OBI1: variants seen among roughly 807,000 people sequenced by gnomAD.
OBI1 encodes ring finger protein 219.
A neutral mutation model predicts 62.4 loss-of-function variants in OBI1; 59 were observed. That is an observed-to-expected ratio of 0.95 (90% confidence interval 0.77 to 1.17). The LOEUF (loss-of-function observed/expected upper bound fraction) is 1.17, where lower values mean the gene tolerates loss of function less well. Ranked by LOEUF, OBI1 falls within the 50% of genes most tolerant of loss-of-function variation. OBI1 has a pLI of 0.00. For synonymous variants in OBI1, 302 were observed against 292.8 expected (o/e 1.03, Z -0.32); for missense variants, 875 against 830.9 (o/e 1.05, Z -0.65).
intron 5 of OBI1, among the ~76,000 whole-genome samples, chr13:78,628,286 A>G (rs867780741): frequency 6.6e-6 from 1 of 152,238 alleles, no homozygotes; most frequent in Admixed American, 6.5e-5. Flanking sequence ...AGGCAAGATT[A>G]GTGTTCGGTC....
intron 5 of OBI1, among the ~76,000 whole-genome samples, chr13:78,619,331 T>TA (rs1566275392): frequency 6.2e-4 from 31 of 50,250 alleles, no homozygotes; most frequent in African/African-American, 5.1e-3. Flanking sequence ...CTCTATATAT[T>TA]TTTTTTTTTT....
intron 5 of OBI1, among the ~76,000 whole-genome samples, chr13:78,623,073 T>C (rs1479519283): frequency 2.0e-5 from 3 of 152,154 alleles, no homozygotes; most frequent in Non-Finnish European, 2.9e-5. Context: ...AACCCATACA[T>C]TTATACTGTT....
At chr13:78,620,419 A>C (rs1875470505) in intron 5 of OBI1, among the ~76,000 whole-genome samples, 1 of 152,212 alleles carries the variant, frequency 6.6e-6, no homozygotes, top group Admixed American at 6.5e-5. Context: ...GAGTATTTTT[A>C]TAAACATTCC....
intron 1 of OBI1, among the ~76,000 whole-genome samples, chr13:78,652,190 AGAT>A (rs1876563554): frequency 2.0e-5 from 3 of 152,198 alleles, no homozygotes; most frequent in South Asian, 2.1e-4. Flanking sequence ...AGTATTTATC[AGAT>A]GATGATTTCT....
intron 1 of OBI1, among the ~76,000 whole-genome samples, chr13:78,655,430 T>C (rs1028274647): frequency 1.3e-5 from 2 of 152,246 alleles, no homozygotes; most frequent in South Asian, 2.1e-4. Flanking sequence ...TCAGGCCACA[T>C]AGAGCTCTTA....
chr13:78,620,768 T>G (rs369065392), intron 5 of OBI1: 13 of 400,094 alleles, frequency 3.2e-5, no homozygotes, highest in East Asian at 1.5e-4. Context: ...AACAAAAAGT[T>G]CCTAAGACCA....
At chr13:78,643,173 A>T (rs1876270825) in intron 2 of OBI1, among the ~76,000 whole-genome samples, 1 of 152,240 alleles carries the variant, frequency 6.6e-6, no homozygotes, top group South Asian at 2.1e-4. Flanking sequence ...ATTTTCCTTG[A>T]GAGAATTTAT....
chr13:78,617,543 C>T (rs909305241), intron 5 of OBI1, among the ~76,000 whole-genome samples: 2 of 152,194 alleles, frequency 1.3e-5, no homozygotes, highest in African/African-American at 4.8e-5. Context: ...TATCATACAG[C>T]AGTGTTTTAC....
chr13:78,641,629 A>T (rs1339861969), intron 3 of OBI1, among the ~76,000 whole-genome samples: 2 of 152,146 alleles, frequency 1.3e-5, no homozygotes, highest in Admixed American at 1.3e-4. Context: ...TCACACTAAA[A>T]TCTCTGTGCT....
intron 1 of OBI1, among the ~76,000 whole-genome samples, chr13:78,654,042 A>AC (rs1055625395): frequency 4.7e-5 from 7 of 150,500 alleles, no homozygotes; most frequent in South Asian, 2.1e-4. Context: ...AAAAAAAAAA[A>AC]AAAAACCTGT....
At chr13:78,645,762 T>C (rs529284715) in intron 1 of OBI1, among the ~76,000 whole-genome samples, 1 of 152,340 alleles carries the variant, frequency 6.6e-6, no homozygotes, top group Non-Finnish European at 1.5e-5. Context: ...GCAATTCTCC[T>C]GTCTCAGCCT....
In OBI1 at chr13:78,657,614, A is replaced by G. The variant is rs985314819; in HGVS notation, c.72+1435T>C. On this transcript the variant is annotated intron_variant, in intron 1 of 5. Coordinates refer to ENST00000282003, the MANE Select transcript of OBI1 (RefSeq NM_024546.4). ...ATCACTCTCGTTAAATACAAAAAGT[A>G]TAGGTTTGGTAAATCAAACAGAACA... Among the ~76,000 whole-genome samples, 13 of 152,344 alleles carry G rather than the reference A, an allele frequency of 8.5e-5. No individual in the cohort carries two copies. In the South Asian group the frequency reaches 2.1e-3, roughly 24 times the overall value.
chr13:78,628,799 GTTAAGCTCTTAACCACC>G (rs1420924802), intron 5 of OBI1, among the ~76,000 whole-genome samples: 1 of 152,174 alleles, frequency 6.6e-6, no homozygotes, highest in East Asian at 1.9e-4. Context: ...TGATTCCAGA[GTTAAGCTCTTAACCACC>G]GTGCTCTGTG....
chr13:78,647,296 T>C (rs1434976098), intron 1 of OBI1, among the ~76,000 whole-genome samples: 4 of 152,216 alleles, frequency 2.6e-5, no homozygotes, highest in South Asian at 2.1e-4. Context: ...GTCTCCTGCC[T>C]GCCCCGGGAA....
chr13:78,642,953 T>C (rs1876264243), intron 2 of OBI1, among the ~76,000 whole-genome samples: 1 of 152,236 alleles, frequency 6.6e-6, no homozygotes, highest in Non-Finnish European at 1.5e-5. Context: ...TCACGGATTC[T>C]AACAGGCTAG....
intron 4 of OBI1, among the ~76,000 whole-genome samples, chr13:78,635,470 G>C (rs1246731211): frequency 6.6e-6 from 1 of 152,146 alleles, no homozygotes; most frequent in Non-Finnish European, 1.5e-5. Context: ...GTCATTAAGG[G>C]ACCATACTAA....
chr13:78,645,091 A>G, intron 1 of OBI1, 94 bp from the exon 2 acceptor site: 1 of 1,233,022 alleles, frequency 8.1e-7, no homozygotes, highest in Non-Finnish European at 1.1e-6. Context: ...TCTAGATTAT[A>G]GCAGAGTAGG....
intron 5 of OBI1, among the ~76,000 whole-genome samples, chr13:78,628,892 G>C (rs1875761765): frequency 6.6e-6 from 1 of 151,794 alleles, no homozygotes; most frequent in South Asian, 2.1e-4. Flanking sequence ...TGAACCTGCA[G>C]TTCAGGAGAG....
chr13:78,638,767 T>C (rs1366959222), intron 4 of OBI1, 56 bp downstream of exon 4: 2 of 1,479,964 alleles, frequency 1.4e-6, no homozygotes, highest in East Asian at 2.3e-5. Flanking sequence ...ATTTATGCTT[T>C]TGAAGGTACT....
Sources: gnomAD v4.1 joint callset for allele counts (sites outside exome capture counted in the v4.1 genomes callset) on GRCh38, gnomAD v4.1.1 for gene constraint, MANE v1.5 for transcripts, NCBI Gene and HGNC (gene_info 2026-07-23, HGNC 2026-07-21) for gene names.